The following NCAM2 variants were observed in gnomAD, a reference collection of about 807,000 sequenced individuals.
NCAM2 encodes N-CAM-2.
A neutral mutation model predicts 98.1 loss-of-function variants in NCAM2; 30 were observed. The ratio of observed to expected loss-of-function variants is 0.31; its 90% CI spans 0.23 to 0.41. The LOEUF is 0.41. Ranked by LOEUF, NCAM2 falls within the 10% of genes least tolerant of loss-of-function variation. The pLI, the probability that NCAM2 is intolerant of heterozygous loss-of-function variation, is 1.00. For missense variants in NCAM2, 867 were observed against 1,005.8 expected (o/e 0.86, Z 1.87); for synonymous variants, 368 against 342.4 (o/e 1.07, Z -0.83).
chr21:21,487,423 A>G (rs1234940652), intron 15 of NCAM2, among the ~76,000 whole-genome samples: 2 of 152,118 alleles, frequency 1.3e-5, no homozygotes, highest in African/African-American at 4.8e-5. Flanking sequence ...TTTTACATAA[A>G]ATTCTGTCTC....
At chr21:21,187,025 T>A (rs1300169343) in intron 1 of NCAM2, among the ~76,000 whole-genome samples, 1 of 152,050 alleles carries the variant, frequency 6.6e-6, no homozygotes, top group African/African-American at 2.4e-5. Flanking sequence ...AGGTTAGCAG[T>A]TCGAGAGCAG....
At chr21:21,302,065 G>C (rs1356912954) in intron 5 of NCAM2, among the ~76,000 whole-genome samples, 6 of 147,448 alleles carry the variant, frequency 4.1e-5, no homozygotes, top group Admixed American at 6.9e-5. Context: ...GATTCCTCAG[G>C]GATCTAGAAC....
intron 13 of NCAM2, 126 bp downstream of exon 13, chr21:21,466,851 G>C (rs1036659033): frequency 9.9e-7 from 1 of 1,007,020 alleles, no homozygotes; most frequent in African/African-American, 1.7e-5. Flanking sequence ...TGGTGAAGTG[G>C]TTTCTGAAGA....
At chr21:21,520,414 T>A (rs1473664012) in intron 16 of NCAM2, among the ~76,000 whole-genome samples, 1 of 152,138 alleles carries the variant, frequency 6.6e-6, no homozygotes, top group Non-Finnish European at 1.5e-5. Context: ...GTGTGTCTGG[T>A]GGGGTGTGTG....
chr21:21,361,798 A>G (rs2075652878), intron 8 of NCAM2, among the ~76,000 whole-genome samples: 1 of 152,088 alleles, frequency 6.6e-6, no homozygotes. Flanking sequence ...CTTCTCCCTC[A>G]ATCATCCCAT....
At chr21:21,222,859 T>G (rs921556031) in intron 1 of NCAM2, among the ~76,000 whole-genome samples, 1 of 152,184 alleles carries the variant, frequency 6.6e-6, no homozygotes, top group African/African-American at 2.4e-5. Flanking sequence ...ATCAAAAACA[T>G]TGAATCCTAT....
chr21:21,346,665 A>C (rs1015354589), intron 8 of NCAM2, among the ~76,000 whole-genome samples: 1 of 152,150 alleles, frequency 6.6e-6, no homozygotes, highest in African/African-American at 2.4e-5. Flanking sequence ...TTAAAAAATT[A>C]ATATCAAGCA....
intron 1 of NCAM2, among the ~76,000 whole-genome samples, chr21:21,188,134 A>T (rs1309409045): frequency 5.9e-5 from 9 of 152,170 alleles, no homozygotes; most frequent in Non-Finnish European, 1.5e-5. Flanking sequence ...TATTCATATT[A>T]TATATTTGAA....
chr21:20,998,839 A>T (rs1404215339), intron 1 of NCAM2, among the ~76,000 whole-genome samples: 6 of 152,072 alleles, frequency 3.9e-5, no homozygotes. Flanking sequence ...AGAATTGGAG[A>T]GGGGAATCGG....
intron 5 of NCAM2, among the ~76,000 whole-genome samples, chr21:21,309,852 A>G (rs1383124599): frequency 6.7e-6 from 1 of 150,286 alleles, no homozygotes; most frequent in Non-Finnish European, 1.5e-5. Flanking sequence ...TTCCCCCCAT[A>G]TTTTAGGAAT....
At chr21:21,499,188 G>A (rs1487904893) in intron 15 of NCAM2, among the ~76,000 whole-genome samples, 2 of 152,174 alleles carry the variant, frequency 1.3e-5, no homozygotes, top group African/African-American at 4.8e-5. Flanking sequence ...TAGAAGAATG[G>A]AAATGATCTG....
chr21:21,111,712 T>C (rs1031104518), intron 1 of NCAM2, among the ~76,000 whole-genome samples: 2 of 152,256 alleles, frequency 1.3e-5, no homozygotes, highest in East Asian at 3.9e-4. Context: ...TTTTATTTCT[T>C]TTTTCTTCCC....
intron 1 of NCAM2, among the ~76,000 whole-genome samples, chr21:21,260,300 T>C (rs9976111): frequency 1.3e-5 from 2 of 151,868 alleles, no homozygotes; most frequent in Non-Finnish European, 2.9e-5. Flanking sequence ...CCAAAAAAAA[T>C]TCCTAATCTT....
chr21:21,117,897 TTATC>T (rs1193116721), intron 1 of NCAM2, among the ~76,000 whole-genome samples: 5 of 152,170 alleles, frequency 3.3e-5, no homozygotes, highest in Non-Finnish European at 7.4e-5. Context: ...ACTAAAAAGT[TTATC>T]TAATTCTATA....
chr21:21,008,040 A>G (rs962755349), intron 1 of NCAM2, among the ~76,000 whole-genome samples: 5 of 152,134 alleles, frequency 3.3e-5, no homozygotes, highest in Admixed American at 6.6e-5. Flanking sequence ...TTGAGTTTCT[A>G]TGTTCTAGCA....
chr21:21,021,788 C>T (rs894944009), intron 1 of NCAM2, among the ~76,000 whole-genome samples: 5 of 152,058 alleles, frequency 3.3e-5, no homozygotes, highest in Admixed American at 6.6e-5. Context: ...AGATTAGTAC[C>T]GCTCATTTGA....
At chr21:21,496,791 A>G (rs1281148587) in intron 15 of NCAM2, among the ~76,000 whole-genome samples, 1 of 152,082 alleles carries the variant, frequency 6.6e-6, no homozygotes, top group Non-Finnish European at 1.5e-5. Context: ...AGTTTTGTAT[A>G]TGGTGAAAGG....
intron 12 of NCAM2, among the ~76,000 whole-genome samples, chr21:21,448,742 C>G (rs906759674): frequency 6.6e-6 from 1 of 151,884 alleles, no homozygotes; most frequent in African/African-American, 2.4e-5. Flanking sequence ...TAAAATTCAT[C>G]TGACTATGTT....
At chr21:21,093,063 A>G (rs1367434367) in intron 1 of NCAM2, among the ~76,000 whole-genome samples, 1 of 152,000 alleles carries the variant, frequency 6.6e-6, no homozygotes, top group Non-Finnish European at 1.5e-5. Flanking sequence ...TATAGGGATC[A>G]GAGGAAGATC....
Sources: gnomAD v4.1 joint callset for allele counts (sites outside exome capture counted in the v4.1 genomes callset) on GRCh38, gnomAD v4.1.1 for gene constraint, MANE v1.5 for transcripts, NCBI Gene and HGNC (gene_info 2026-07-23, HGNC 2026-07-21) for gene names.